Variants in STAM2 observed in about 807,000 individuals in gnomAD.
The protein encoded by STAM2 is signal transducing adapter molecule 2.
Under a neutral mutation model 65.6 loss-of-function variants are expected in STAM2, and 51 were observed. The observed-to-expected ratio is 0.78, with a 90% CI of 0.62 to 0.98. The LOEUF (loss-of-function observed/expected upper bound fraction) is 0.98. Among genes scored for constraint, STAM2 ranks in the 50% least tolerant of loss-of-function variants. The pLI is 0.00. For synonymous variants in STAM2, 198 were observed against 208.4 expected, an observed-to-expected ratio of 0.95 and a Z score of 0.43; for missense variants, 584 against 617.8, an observed-to-expected ratio of 0.95 and a Z score of 0.58.
Position 152,159,110 on chromosome 2 carries a change from T to TATATATATATATATATATACAC in STAM2, c.41-8882_41-8881insGTGTATATATATATATATATAT, listed in dbSNP as rs575009275. Among the ~76,000 whole-genome samples, 392 of 129,150 alleles carry TATATATATATATATATATACAC rather than the reference T, an allele frequency of 3.0e-3. 1 individual carries two copies. The highest frequency in any genetic ancestry group is 5.0e-3 in the Non-Finnish European group (324 of 64,274). 84.7% of individuals were successfully genotyped at this position (129,150 alleles called of 152,430 possible). A position where few individuals can be genotyped will look rare whatever the true frequency, so the allele number is the denominator to read the frequency against. The stretch of plus-strand genomic sequence containing the variant: ...AAAAAAAACCATATATATATATATA[T>TATATATATATATATATATACAC]ACACACACAGATATATATAATTTTT... On this transcript the variant is annotated intron_variant, in intron 1 of 13. Coordinates refer to ENST00000263904, the MANE Select transcript of STAM2 (RefSeq NM_005843.6).
chr2:152,139,492 G>A (rs1689207910), intron 7 of STAM2, among the ~76,000 whole-genome samples: 1 of 152,182 alleles, frequency 6.6e-6, no homozygotes, highest in African/African-American at 2.4e-5. Context: ...AGGAGTCCAG[G>A]CTGTAGCGTG....
In STAM2 at chr2:152,120,284, A is replaced by G. The variant is rs1314367840; in HGVS notation, c.*290T>C. 7 of 391,148 alleles carry G rather than the reference A, an allele frequency of 1.8e-5. No homozygotes were observed. The highest frequency in any genetic ancestry group is 7.3e-4 in the Middle Eastern group (1 of 1,378). The allele number at this position is 391,148 out of a possible 1,614,324, so 24.2% of individuals were successfully genotyped here. On this transcript the variant is annotated 3_prime_UTR_variant, in exon 14 of 14. Coordinates refer to ENST00000263904, the MANE Select transcript of STAM2 (RefSeq NM_005843.6). ...ATCTCATACTGTTTGTCATAAGGCTACTTAATGAGTATCTAGATTTATGTA... is the reference window on the plus strand; with the variant it reads ...ATCTCATACTGTTTGTCATAAGGCTGCTTAATGAGTATCTAGATTTATGTA...
intron 1 of STAM2, among the ~76,000 whole-genome samples, chr2:152,174,888 T>G (rs1323065916): frequency 2.6e-5 from 4 of 152,214 alleles, no homozygotes; most frequent in Non-Finnish European, 5.9e-5. Flanking sequence ...ATATATCTTA[T>G]CCATGTTTTT....
intron 7 of STAM2, among the ~76,000 whole-genome samples, chr2:152,142,969 C>T (rs1002097307): frequency 6.6e-6 from 1 of 152,188 alleles, no homozygotes; most frequent in Non-Finnish European, 1.5e-5. Context: ...AAGTGTAAAT[C>T]TGCTATCTGG....
intron 11 of STAM2, among the ~76,000 whole-genome samples, chr2:152,129,147 A>T (rs1689015167): frequency 6.6e-6 from 1 of 151,510 alleles, no homozygotes; most frequent in African/African-American, 2.4e-5. Flanking sequence ...GGTCACTTTG[A>T]TTTTTTTTTC....
At chr2:152,175,013 TCTC>T (rs1460730447) in intron 1 of STAM2, among the ~76,000 whole-genome samples, 3 of 152,274 alleles carry the variant, frequency 2.0e-5, no homozygotes, top group East Asian at 1.9e-4. Flanking sequence ...AAACCGAACA[TCTC>T]CTAGCACCCG....
At chr2:152,154,459 C>G (rs1689504848) in intron 1 of STAM2, among the ~76,000 whole-genome samples, 1 of 152,044 alleles carries the variant, frequency 6.6e-6, no homozygotes, top group Non-Finnish European at 1.5e-5. Flanking sequence ...CTACAAAAAA[C>G]ACAAAAAAGT....
intron 7 of STAM2, among the ~76,000 whole-genome samples, chr2:152,136,892 CTTTT>C (rs746931542): frequency 5.4e-5 from 7 of 130,112 alleles, no homozygotes; most frequent in South Asian, 2.5e-4. Flanking sequence ...AAACATTTTT[CTTTT>C]TTTTTTTTTT....
chr2:152,120,554 A>G lies in STAM2; in HGVS notation c.*20T>C, dbSNP rs201532688. 6.2e-7 allele frequency: 1 copy of G among 1,609,946 alleles called. No homozygotes were observed. Among genetic ancestry groups the G allele is most frequent in the Non-Finnish European group, 8.5e-7 (1 of 1,176,586 alleles). ...AATAATACACTTATGAAGGCTTTCA[A>G]GAAAATGCTTGATTTGTTTCTAAAG... On this transcript the variant is annotated 3_prime_UTR_variant, in exon 14 of 14. Transcript: ENST00000263904.
chr2:152,150,577 G>A (rs1689424953), intron 1 of STAM2, among the ~76,000 whole-genome samples: 1 of 152,218 alleles, frequency 6.6e-6, no homozygotes, highest in African/African-American at 2.4e-5. Flanking sequence ...AAGGCAGGAA[G>A]ATCGTTTGAG....
At chr2:152,159,718 C>T (rs1031599153) in intron 1 of STAM2, among the ~76,000 whole-genome samples, 2 of 151,964 alleles carry the variant, frequency 1.3e-5, no homozygotes, top group African/African-American at 4.8e-5. Flanking sequence ...GCTCCCTCTC[C>T]CTCTCCCTCT....
chr2:152,125,719 T>C (rs1182585256), intron 12 of STAM2, among the ~76,000 whole-genome samples: 1 of 152,188 alleles, frequency 6.6e-6, no homozygotes, highest in Non-Finnish European at 1.5e-5. Context: ...GTAAAGGAAG[T>C]ATAAAGCATA....
In STAM2 at chr2:152,120,801, T is replaced by A. The variant is rs780002102; in HGVS notation, c.1351A>T (p.Thr451Ser). The change falls in exon 14 of 14, where the codon ACT becomes TCT. Residue 451 changes from threonine (T) to serine (S), a missense_variant and splice_region_variant. Coordinates refer to ENST00000263904, the MANE Select transcript of STAM2 (RefSeq NM_005843.6). ...AQPAQTSYLSTGQDTVSNPTY... is the reference protein window; with the variant it reads ...AQPAQTSYLSSGQDTVSNPTY... Reference sequence around the variant, plus strand: ...GGATTGGAAACAGTGTCTTGTCCAGTGCTACAAACAAAATTTTAAAAAGAA... The same window carrying A: ...GGATTGGAAACAGTGTCTTGTCCAGAGCTACAAACAAAATTTTAAAAAGAA... The A allele has an allele frequency of 6.2e-7, 1 of 1,612,608 alleles. No individual in the cohort carries two copies. The highest frequency in any genetic ancestry group is 1.7e-5 in the Admixed American group (1 of 59,954).
At chr2:152,165,236 T>A (rs1031151713) in intron 1 of STAM2, among the ~76,000 whole-genome samples, 2 of 151,806 alleles carry the variant, frequency 1.3e-5, no homozygotes, top group Non-Finnish European at 2.9e-5. Flanking sequence ...CGAGCCTGGC[T>A]AACACAGCGA....
intron 11 of STAM2, among the ~76,000 whole-genome samples, chr2:152,127,898 C>T (rs879421217): frequency 6.6e-6 from 1 of 152,066 alleles, no homozygotes; most frequent in Non-Finnish European, 1.5e-5. Flanking sequence ...ATCCACAAGC[C>T]TTTTTACTGA....
At chr2:152,136,691 C>G (rs1579317227) in intron 7 of STAM2, among the ~76,000 whole-genome samples, 1 of 152,084 alleles carries the variant, frequency 6.6e-6, no homozygotes, top group Non-Finnish European at 1.5e-5. Context: ...TTTGCTTATT[C>G]CTTTTAAATT....
intron 7 of STAM2, among the ~76,000 whole-genome samples, chr2:152,143,232 A>G (rs1321440661): frequency 2.0e-5 from 3 of 152,194 alleles, no homozygotes; most frequent in Admixed American, 6.5e-5. Context: ...ATAAATAACT[A>G]AGTTATTTAT....
chr2:152,161,282 A>G (rs1049101218), intron 1 of STAM2, among the ~76,000 whole-genome samples: 20 of 150,806 alleles, frequency 1.3e-4, no homozygotes, highest in African/African-American at 4.9e-4. Context: ...GCTTTGTTAA[A>G]CAGATGCTTG....
intron 12 of STAM2, among the ~76,000 whole-genome samples, chr2:152,125,596 G>A (rs1688949889): frequency 6.6e-6 from 1 of 152,108 alleles, no homozygotes; most frequent in African/African-American, 2.4e-5. Context: ...GAAAAGTACT[G>A]GAAAAAGATG....
Sources: gnomAD v4.1 joint callset for allele counts (sites outside exome capture counted in the v4.1 genomes callset) on GRCh38, gnomAD v4.1.1 for gene constraint, MANE v1.5 for transcripts, NCBI Gene and HGNC (gene_info 2026-07-23, HGNC 2026-07-21) for gene names.